MMP19: variants seen among roughly 807,000 people sequenced by gnomAD.
MMP19 encodes matrix metallopeptidase 19.
A neutral mutation model predicts 46.6 loss-of-function variants in MMP19; 47 were observed. The ratio of observed to expected loss-of-function variants is 1.01; its 90% CI spans 0.80 to 1.29. The LOEUF (loss-of-function observed/expected upper bound fraction) is 1.29. Among genes scored for constraint, MMP19 ranks in the 50% most tolerant of loss-of-function variants. The probability of loss-of-function intolerance (pLI) is 0.00; values close to 1 mark genes in which losing one functional copy is unlikely to be tolerated. For synonymous variants in MMP19, 222 were observed against 248.5 expected, an observed-to-expected ratio of 0.89 and a Z score of 1.00; for missense variants, 589 against 643.5, an observed-to-expected ratio of 0.92 and a Z score of 0.92.
chr12:55,838,078 G>T, intron 6 of MMP19, 71 bp from the exon 7 acceptor site: 1 of 1,430,360 alleles, frequency 7.0e-7, no homozygotes, highest in Non-Finnish European at 9.4e-7. Context: ...GGGTATCTCA[G>T]GCTGACTAAC....
rs374647815 is a variant in MMP19, at chr12:55,839,447, G to A, written c.766+49C>T. The A allele has an allele frequency of 4.6e-5, 72 of 1,553,554 alleles. No homozygotes were observed. In the Middle Eastern group the frequency reaches 6.9e-4, roughly 15 times the overall value. On this transcript the variant is annotated intron_variant, in intron 5 of 8. Coordinates refer to ENST00000322569, the MANE Select transcript of MMP19 (RefSeq NM_002429.6). ...GGCTAGACCTGTCTCTTCAAGCCTTGACGTGGGAGTCAGACTGACCCTCCC... is the reference window on the plus strand; with the variant it reads ...GGCTAGACCTGTCTCTTCAAGCCTTAACGTGGGAGTCAGACTGACCCTCCC...
rs765088444 is a variant in MMP19 at position 55,842,448 on chromosome 12, G to A, written c.88-10C>T. 6.3e-7 allele frequency: 1 copy of A among 1,598,674 alleles called. No individual in the cohort carries two copies. Among genetic ancestry groups the A allele is most frequent in the South Asian group, 1.1e-5 (1 of 90,784 alleles). Reference sequence around the variant, plus strand: ...ATTGTGACAGGTAGTCCTATGATGGGAGTGGAGGTAAGCAGGTTAAAAGGG... The same window carrying A: ...ATTGTGACAGGTAGTCCTATGATGGAAGTGGAGGTAAGCAGGTTAAAAGGG... On this transcript the variant is annotated splice_polypyrimidine_tract_variant and intron_variant, in intron 1 of 8. Coordinates refer to ENST00000322569, the MANE Select transcript of MMP19 (RefSeq NM_002429.6).
intron 1 of MMP19, 143 bp from the exon 2 acceptor site, chr12:55,842,581 T>TG (rs1440399684): frequency 9.1e-6 from 8 of 883,550 alleles, no homozygotes; most frequent in African/African-American, 1.6e-5. Flanking sequence ...GGGGCTCAGG[T>TG]GGAACAAGGG....
intron 7 of MMP19, 39 bp downstream of exon 7, chr12:55,837,804 G>A (rs890352250): frequency 1.3e-6 from 2 of 1,593,592 alleles, no homozygotes; most frequent in African/African-American, 2.7e-5. Flanking sequence ...TTTAAGATTA[G>A]GCCCTCCTCA....
Position 55,839,667 on chromosome 12 carries a change from C to T in MMP19, c.595G>A (p.Gly199Arg). The change falls in exon 5 of 9, where the codon GGG (glycine) becomes AGG (arginine). Residue 199 changes from glycine to arginine, a missense_variant. Transcript: ENST00000322569. ...CGCAGGTTCACCCCACGGTAGGTCC[C>T]CTCAGTCCAGAACTCGTCTTCGTCG... The part of the protein sequence containing the change: ...HFDEDEFWTE[G>R]TYRGVNLRII... 1 of 1,614,268 alleles carries T rather than the reference C, an allele frequency of 6.2e-7. No homozygotes were observed. The highest frequency in any genetic ancestry group is 8.5e-7 in the Non-Finnish European group (1 of 1,180,048).
rs139837434 is a variant in MMP19, at chr12:55,840,696, G to A, written c.491C>T (p.Ser164Leu). The change falls in exon 4 of 9, where the codon TCG (serine) becomes TTG (leucine). Residue 164 changes from serine to leucine, a missense_variant. Physicochemically the swap from Ser to Leu is moderately radical, Grantham distance 145 (BLOSUM62 -2). Transcript: ENST00000322569. Reference sequence around the variant, plus strand: ...CCCATCAAAAGTATTGGAACAGTACGAGCTTTGGCGGCCATGGAAGGAGAG... The same window carrying A: ...CCCATCAAAAGTATTGGAACAGTACAAGCTTTGGCGGCCATGGAAGGAGAG... ...IRLSFHGRQS[S>L]YCSNTFDGPG... 46 of 1,613,866 alleles carry A rather than the reference G, an allele frequency of 2.9e-5. No individual in the cohort carries two copies. The highest frequency in any genetic ancestry group is 2.8e-4 in the African/African-American group (21 of 74,884).
Position 55,840,799 on chromosome 12 carries a change from G to T in MMP19, c.388C>A (p.Arg130Ser). 6.2e-7 allele frequency: 1 copy of T among 1,613,102 alleles called. No individual in the cohort carries two copies. The highest frequency in any genetic ancestry group is 8.5e-7 in the Non-Finnish European group (1 of 1,179,212). The change falls in exon 4 of 9, where the codon CGT becomes AGT. Residue 130 changes from arginine to serine, a missense_variant. By Grantham distance (110) the Arg-to-Ser change is moderately radical. Coordinates refer to ENST00000322569, the MANE Select transcript of MMP19 (RefSeq NM_002429.6). ...LPPHTARAAL[R>S]QAFQDWSNVA... ...TTGCTCCAGTCCTGGAAGGCTTGACGCAGGGCTGCCCGGGCTGTGTGGGGT... is the reference window on the plus strand; with the variant it reads ...TTGCTCCAGTCCTGGAAGGCTTGACTCAGGGCTGCCCGGGCTGTGTGGGGT...
chr12:55,837,448 C>G (rs977611868), intron 8 of MMP19, 74 bp from the exon 9 acceptor site: 3 of 1,580,012 alleles, frequency 1.9e-6, no homozygotes, highest in Non-Finnish European at 2.6e-6. Flanking sequence ...CCACCCCCAG[C>G]CCACTGCAGC....
At chr12:55,840,931 C>T (rs1334934919) in intron 3 of MMP19, 49 bp from the exon 4 acceptor site, 4 of 1,537,178 alleles carry the variant, frequency 2.6e-6, no homozygotes, top group Non-Finnish European at 3.5e-6. Flanking sequence ...CTTCTGCCAA[C>T]CCCAGAGAGC....
intron 3 of MMP19, 82 bp downstream of exon 3, chr12:55,841,024 G>A (rs910527282): frequency 6.3e-7 from 1 of 1,577,438 alleles, no homozygotes; most frequent in Non-Finnish European, 8.6e-7. Context: ...CACTGAGCTG[G>A]TCCAGACTGT....
Position 55,842,333 on chromosome 12 carries a change from T to G in MMP19, c.173+20A>C. 6.2e-7 allele frequency: 1 copy of G among 1,601,488 alleles called. No homozygotes were observed. ...CCTTGAGACCTTAGCCCTAAAGGCATACACCTCATAGCTTCTCACCTCAGA... is the reference window on the plus strand; with the variant it reads ...CCTTGAGACCTTAGCCCTAAAGGCAGACACCTCATAGCTTCTCACCTCAGA... On this transcript the variant is annotated intron_variant, in intron 2 of 8. Coordinates refer to ENST00000322569, the MANE Select transcript of MMP19 (RefSeq NM_002429.6).
intron 1 of MMP19, 63 bp downstream of exon 1, chr12:55,842,681 G>T: frequency 7.4e-7 from 1 of 1,355,158 alleles, no homozygotes; most frequent in Non-Finnish European, 1.0e-6. Context: ...AGGCTTCGAT[G>T]GGGCTGTGGA....
rs189822683 is a variant in MMP19 at position 55,840,596 on chromosome 12, G to C, written c.520+71C>G. 6.9e-4 allele frequency: 1,008 copies of C among 1,455,832 alleles called. 4 individuals carry two copies. Among genetic ancestry groups the C allele is most frequent in the Non-Finnish European group, 4.2e-4 (443 of 1,056,022 alleles). The allele number at this position is 1,455,832 out of a possible 1,614,324, so 90.2% of individuals were successfully genotyped here. A position where few individuals can be genotyped will look rare whatever the true frequency, so the allele number is the denominator to read the frequency against. ...GAGCAGCCCAAACATCAAGGTTCTAGAGTCACTGGTTCAAGGAGACAGAGG... is the reference window on the plus strand; with the variant it reads ...GAGCAGCCCAAACATCAAGGTTCTACAGTCACTGGTTCAAGGAGACAGAGG... On this transcript the variant is annotated intron_variant, in intron 4 of 8. Coordinates refer to ENST00000322569, the MANE Select transcript of MMP19 (RefSeq NM_002429.6).
Position 55,839,267 on chromosome 12 carries a change from G to A in MMP19, c.766+229C>T, listed in dbSNP as rs865874784. Among the ~76,000 whole-genome samples the A allele has an allele frequency of 1.7e-4, 25 of 151,234 alleles. No individual in the cohort carries two copies. The Middle Eastern group carries it at 0.014, about 83-fold the overall frequency. On this transcript the variant is annotated intron_variant, in intron 5 of 8. Coordinates refer to ENST00000322569, the MANE Select transcript of MMP19 (RefSeq NM_002429.6). ...AAAAAAAAAAAAAAAAAAAAAGAAGGTGCATTCTCCATCCCCAAGCATGGG... is the reference window on the plus strand; with the variant it reads ...AAAAAAAAAAAAAAAAAAAAAGAAGATGCATTCTCCATCCCCAAGCATGGG...
chr12:55,838,813 C>T (rs1881458586), intron 5 of MMP19, 79 bp from the exon 6 acceptor site: 1 of 1,229,964 alleles, frequency 8.1e-7, no homozygotes, highest in African/African-American at 1.5e-5. Context: ...AAGTTTTGCT[C>T]AGAGTCCCCA....
At position 55,837,964 on chromosome 12, in the gene MMP19, C is replaced by T. The variant is rs774461300; in HGVS notation, c.939G>A (p.Trp313Ter). The T allele has an allele frequency of 8.7e-6, 14 of 1,603,174 alleles. No individual in the cohort carries two copies. The highest frequency in any genetic ancestry group is 1.7e-4 in the Middle Eastern group (1 of 6,054). Residue 313 changes from tryptophan to a stop codon, truncating the protein, a stop_gained, in exon 7 of 9, where the codon TGG becomes TGA. Coordinates refer to ENST00000322569, the MANE Select transcript of MMP19 (RefSeq NM_002429.6). LOFTEE classifies it high-confidence loss of function. ...GGCCCGGTCCTGAATCTGATACAGTCCACACATAGTCCCCCTTGAAAGCAT... is the reference window on the plus strand; with the variant it reads ...GGCCCGGTCCTGAATCTGATACAGTTCACACATAGTCCCCCTTGAAAGCAT... ...KTYAFKGDYV[W>*]TVSDSGPGPL...
Position 55,842,669 on chromosome 12 carries a change from G to C in MMP19, c.87+75C>G, listed in dbSNP as rs1297832400. 40 of 1,247,672 alleles carry C rather than the reference G, an allele frequency of 3.2e-5. No individual in the cohort carries two copies. In the South Asian group the frequency reaches 4.7e-4, roughly 15 times the overall value. 77.3% of individuals were successfully genotyped at this position (1,247,672 alleles called of 1,614,324 possible). ...AGGCAGGCAGGCTGAAGGTCAGGAG[G>C]GAGGCTTCGATGGGGCTGTGGAGCA... On this transcript the variant is annotated intron_variant, in intron 1 of 8. Transcript: ENST00000322569.
At position 55,837,272 on chromosome 12, in the gene MMP19, C is replaced by T. The variant is rs139832885; in HGVS notation, c.1291G>A (p.Ala431Thr). ...LFTGVPNQPS[A>T]AMSWQDGRVY... is the part of the protein sequence containing the mutation. ...CGGCCATCTTGCCAACTCATAGCAG[C>T]CGAGGGCTGGTTTGGCACTCCCGTA... Residue 431 changes from alanine to threonine, a missense_variant, in exon 9 of 9, where the codon GCT becomes ACT. Coordinates refer to ENST00000322569, the MANE Select transcript of MMP19 (RefSeq NM_002429.6). 3.7e-6 allele frequency: 6 copies of T among 1,614,050 alleles called. No individual in the cohort carries two copies. The Admixed American group carries it at 5.0e-5, about 13-fold the overall frequency.
chr12:55,838,334 T>A, intron 6 of MMP19: 1 of 701,628 alleles, frequency 1.4e-6, no homozygotes, highest in East Asian at 2.7e-5. Flanking sequence ...GCAATCTGGG[T>A]AATATAGTTT....
Sources: gnomAD v4.1 joint callset for allele counts (sites outside exome capture counted in the v4.1 genomes callset) on GRCh38, gnomAD v4.1.1 for gene constraint, MANE v1.5 for transcripts, NCBI Gene and HGNC (gene_info 2026-07-23, HGNC 2026-07-21) for gene names.